The following COL4A1 variants were observed in gnomAD, a reference collection of about 807,000 sequenced individuals.
COL4A1 encodes collagen alpha-1(IV) chain.
COL4A1 carries 40 observed loss-of-function variants against 216.6 expected under a neutral mutation model. That is an observed-to-expected ratio of 0.18 (90% CI 0.14 to 0.24). COL4A1 has a LOEUF of 0.24. Ranked by LOEUF, COL4A1 falls within the 10% of genes least tolerant of loss-of-function variation. The pLI is 1.00. For missense variants in COL4A1, 1,628 were observed against 2,196.8 expected (o/e 0.74, Z 5.18); for synonymous variants, 839 against 810.7 (o/e 1.03, Z -0.59).
chr13:110,160,879 T>C (rs1292575493), intron 49 of COL4A1: 2 of 375,950 alleles, frequency 5.3e-6, no homozygotes, highest in South Asian at 2.2e-5. Flanking sequence ...CAGCTAACTT[T>C]TGTATTTTTT....
intron 1 of COL4A1, among the ~76,000 whole-genome samples, chr13:110,290,435 T>C (rs746972469): frequency 3.3e-5 from 5 of 152,230 alleles, no homozygotes; most frequent in Non-Finnish European, 7.3e-5. Context: ...GTACATCTAA[T>C]GACCACCATG....
chr13:110,306,862 G>A (rs552217814), intron 1 of COL4A1, 82 bp downstream of exon 1: 5 of 1,293,532 alleles, frequency 3.9e-6, no homozygotes, highest in Non-Finnish European at 4.0e-6. Flanking sequence ...CAGGCGGACG[G>A]GTCCAGGCGC....
chr13:110,187,006 T>C (rs1594561311), intron 25 of COL4A1, 132 bp downstream of exon 25: 2 of 1,221,992 alleles, frequency 1.6e-6, no homozygotes, highest in Non-Finnish European at 2.4e-6. Flanking sequence ...GAACCATGAA[T>C]CATGAAACAA....
At chr13:110,245,657 G>A (rs576361797) in intron 1 of COL4A1, among the ~76,000 whole-genome samples, 1 of 152,332 alleles carries the variant, frequency 6.6e-6, no homozygotes, top group East Asian at 1.9e-4. Flanking sequence ...ATTTGAGGGA[G>A]GTTATAAAAA....
chr13:110,219,256 C>T (rs979320385), intron 2 of COL4A1, among the ~76,000 whole-genome samples: 1 of 152,142 alleles, frequency 6.6e-6, no homozygotes, highest in African/African-American at 2.4e-5. Context: ...TGCTCACTCT[C>T]CTTTGCTCTA....
chr13:110,192,842 G>A lies in COL4A1; in HGVS notation c.1453C>T (p.Pro485Ser), dbSNP rs747214508. 3 of 1,614,006 alleles carry A rather than the reference G, an allele frequency of 1.9e-6. No individual in the cohort carries two copies. The highest frequency in any genetic ancestry group is 2.2e-5 in the South Asian group (2 of 91,074). ...ATGTGGGTCTTACCTATTTCTCCCG[G>A]GGGTCCCTGTGGCCCGGGAGGCCCC... ...YRGPPGPQGP[P>S]GEIGFPGQPG... The change falls in exon 23 of 52, where the codon CCG (proline) becomes TCG (serine). Residue 485 changes from proline (P) to serine (S), a missense_variant. By Grantham distance (74) the Pro-to-Ser change is moderately conservative. Coordinates refer to ENST00000375820, the MANE Select transcript of COL4A1 (RefSeq NM_001845.6).
intron 33 of COL4A1, among the ~76,000 whole-genome samples, 183 bp from the exon 34 acceptor site, chr13:110,177,220 A>G (rs1877928920): frequency 6.6e-6 from 1 of 152,208 alleles, no homozygotes; most frequent in African/African-American, 2.4e-5. Context: ...CAGGTAAATG[A>G]GCAGTAAAAA....
chr13:110,219,660 A>ATGTGTG (rs1165281751), intron 2 of COL4A1, among the ~76,000 whole-genome samples: 18 of 119,290 alleles, frequency 1.5e-4, no homozygotes, highest in African/African-American at 5.0e-4. Flanking sequence ...ATATATATAT[A>ATGTGTG]TGTATATATA....
chr13:110,204,393 TA>T (rs1422755094), intron 17 of COL4A1, among the ~76,000 whole-genome samples: 1 of 152,196 alleles, frequency 6.6e-6, no homozygotes, highest in African/African-American at 2.4e-5. Flanking sequence ...ATCTACCATT[TA>T]AAATGTACAG....
chr13:110,297,185 G>C (rs953554212), intron 1 of COL4A1, among the ~76,000 whole-genome samples: 1 of 152,206 alleles, frequency 6.6e-6, no homozygotes, highest in Non-Finnish European at 1.5e-5. Context: ...AGCCTGCCTT[G>C]GTCTTTCCCA....
At chr13:110,185,841 G>A (rs904876667) in intron 26 of COL4A1, among the ~76,000 whole-genome samples, 1 of 152,200 alleles carries the variant, frequency 6.6e-6, no homozygotes, top group Non-Finnish European at 1.5e-5. Flanking sequence ...CAGGGACCAC[G>A]TCTGTGGTTT....
chr13:110,232,829 G>A (rs1220160181), intron 2 of COL4A1, among the ~76,000 whole-genome samples: 2 of 151,952 alleles, frequency 1.3e-5, no homozygotes, highest in East Asian at 1.9e-4. Context: ...CACTAGATTC[G>A]GTAAGCTCCA....
intron 2 of COL4A1, among the ~76,000 whole-genome samples, chr13:110,218,360 G>A (rs567209210): frequency 6.8e-4 from 103 of 152,204 alleles, no homozygotes; most frequent in African/African-American, 1.5e-3. Flanking sequence ...CTTCCTCTAC[G>A]CACGGAATGA....
chr13:110,291,916 C>T (rs933152271), intron 1 of COL4A1, among the ~76,000 whole-genome samples: 2 of 152,214 alleles, frequency 1.3e-5, no homozygotes, highest in Admixed American at 1.3e-4. Context: ...TGGCGATGCT[C>T]AGATACTGTG....
At chr13:110,239,426 T>G (rs963737414) in intron 2 of COL4A1, among the ~76,000 whole-genome samples, 3 of 152,218 alleles carry the variant, frequency 2.0e-5, no homozygotes, top group African/African-American at 7.2e-5. Flanking sequence ...ATTTCCAAAT[T>G]TCTAAGGCTG....
chr13:110,224,760 G>A (rs955570184), intron 2 of COL4A1, among the ~76,000 whole-genome samples: 29 of 152,164 alleles, frequency 1.9e-4, no homozygotes, highest in African/African-American at 6.8e-4. Flanking sequence ...TTAGACAGCC[G>A]AGGATGTTAT....
chr13:110,257,400 G>C (rs1215409475), intron 1 of COL4A1, among the ~76,000 whole-genome samples: 1 of 152,190 alleles, frequency 6.6e-6, no homozygotes, highest in Non-Finnish European at 1.5e-5. Context: ...TAAGAATATG[G>C]AAGATAACGG....
At chr13:110,247,164 C>T (rs1170724357) in intron 1 of COL4A1, among the ~76,000 whole-genome samples, 2 of 152,150 alleles carry the variant, frequency 1.3e-5, no homozygotes, top group Non-Finnish European at 2.9e-5. Context: ...CTTTTAGCCT[C>T]TTCCCCATAG....
intron 26 of COL4A1, among the ~76,000 whole-genome samples, chr13:110,185,658 C>T (rs915330090): frequency 1.3e-5 from 2 of 152,166 alleles, no homozygotes; most frequent in African/African-American, 2.4e-5. Flanking sequence ...TACTGGGAAT[C>T]GCAGTCAGAT....
Sources: allele counts gnomAD v4.1 joint callset (sites outside exome capture counted in the v4.1 genomes callset), GRCh38; gene constraint gnomAD v4.1.1; transcripts MANE v1.5; gene names NCBI Gene and HGNC (gene_info 2026-07-23, HGNC 2026-07-21).